Variants in L3MBTL4 observed in about 807,000 individuals in gnomAD.
The protein encoded by L3MBTL4 is L3MBTL histone methyl-lysine binding protein 4, also known as lethal(3)malignant brain tumor-like protein 4.
In L3MBTL4, 70 loss-of-function variants were observed where a neutral mutation model predicts 84.5. The ratio of observed to expected loss-of-function variants is 0.83; its 90% CI spans 0.68 to 1.01. L3MBTL4 has a LOEUF of 1.01. L3MBTL4 is among the 50% of genes least tolerant of loss of function. The pLI, the probability that L3MBTL4 is intolerant of heterozygous loss-of-function variation, is 0.00. For synonymous variants in L3MBTL4, 274 were observed against 259.8 expected, an observed-to-expected ratio of 1.05 and a Z score of -0.52; for missense variants, 715 against 754.8, an observed-to-expected ratio of 0.95 and a Z score of 0.62.
At chr18:5,956,471 T>C (rs3737355) in intron 18 of L3MBTL4, 84 bp from the exon 19 acceptor site, 55,272 of 1,324,978 alleles carry the variant, frequency 0.042, 2,177 homozygotes, top group East Asian at 0.15. Context: ...GTTCTGAGTG[T>C]GATGTGGAAC....
At chr18:6,086,214 G>C (rs2058253724) in intron 15 of L3MBTL4, among the ~76,000 whole-genome samples, 1 of 152,114 alleles carries the variant, frequency 6.6e-6, no homozygotes, top group Non-Finnish European at 1.5e-5. Flanking sequence ...ATGATAAAAT[G>C]CTTGCTGGTG....
At position 6,364,606 on chromosome 18, in the gene L3MBTL4, A is replaced by G. The variant is rs189522293; in HGVS notation, c.-91+50195T>C. On this transcript the variant is annotated intron_variant, in intron 1 of 18. Transcript: ENST00000317931. ...TACACATTTTTTCATCATTAAATAA[A>G]CTGCTAAACTTTAAAACTGATGAAA... is the stretch of plus-strand genomic sequence containing the variant. Among the ~76,000 whole-genome samples the G allele has an allele frequency of 9.1e-3, 1,378 of 152,264 alleles. 13 individuals carry two copies. Among genetic ancestry groups the G allele is most frequent in the African/African-American group, 0.029 (1,222 of 41,560 alleles).
chr18:6,382,298 G>C (rs1380875715), intron 1 of L3MBTL4, among the ~76,000 whole-genome samples: 1 of 152,138 alleles, frequency 6.6e-6, no homozygotes, highest in East Asian at 1.9e-4. Flanking sequence ...GCTCAGAGGA[G>C]TTTGTTATTA....
rs145650154 is a variant in L3MBTL4, at chr18:6,373,245, C to G, written c.-91+41556G>C. On this transcript the variant is annotated intron_variant, in intron 1 of 18. Transcript: ENST00000317931. ...CTCATCCGTGCTGGGAACTGGAGAG[C>G]TTGTCTCTTGCACAGTAAAGAAACA... Among the ~76,000 whole-genome samples, 68 of 152,292 alleles carry G rather than the reference C, an allele frequency of 4.5e-4. No individual in the cohort carries two copies. The Middle Eastern group carries it at 0.01, about 23-fold the overall frequency.
At chr18:6,032,039 G>T in intron 16 of L3MBTL4, 1 of 195,520 alleles carries the variant, frequency 5.1e-6, no homozygotes, top group Non-Finnish European at 9.3e-6. Flanking sequence ...GTGCAGTGGT[G>T]CAATCTCAGG....
chr18:6,277,057 T>A lies in L3MBTL4; in HGVS notation c.128-13019A>T, dbSNP rs1254321618. Among the ~76,000 whole-genome samples the A allele has an allele frequency of 2.0e-5, 3 of 150,408 alleles. No homozygotes were observed. In the East Asian group the frequency reaches 6.0e-4, roughly 30 times the overall value. Reference sequence around the variant, plus strand: ...CAAGTTTCCACTCTTGACTGAGTTCTTCCTTACCCTAGAGTGTTTATTATG... The same window carrying A: ...CAAGTTTCCACTCTTGACTGAGTTCATCCTTACCCTAGAGTGTTTATTATG... On this transcript the variant is annotated intron_variant, in intron 4 of 18. Coordinates refer to ENST00000317931, the MANE Select transcript of L3MBTL4 (RefSeq NM_001330559.2).
At chr18:6,003,296 G>C (rs2054314208) in intron 16 of L3MBTL4, among the ~76,000 whole-genome samples, 1 of 150,784 alleles carries the variant, frequency 6.6e-6, no homozygotes, top group Admixed American at 6.6e-5. Context: ...AAATAAAAAA[G>C]GTTACAAGAG....
intron 18 of L3MBTL4, among the ~76,000 whole-genome samples, chr18:5,958,103 GAAGAAGAAGAAGAAGAAGAAGAAGAAA>G (rs1227797830): frequency 0.025 from 2,214 of 89,998 alleles, 47 homozygotes; most frequent in African/African-American, 0.077. Context: ...AGAAGAAGAA[GAAGAAGAAGAAGAAGAAGAAGAAGAAA>G]AAGAAGAAGA....
At chr18:6,185,960 C>A (rs552717296) in intron 12 of L3MBTL4, among the ~76,000 whole-genome samples, 40 of 145,870 alleles carry the variant, frequency 2.7e-4, no homozygotes, top group African/African-American at 1.1e-3. Context: ...AGGGCACTTT[C>A]TTTATTTTAT....
chr18:6,155,338 C>A (rs1040907582), intron 13 of L3MBTL4, among the ~76,000 whole-genome samples: 1 of 152,172 alleles, frequency 6.6e-6, no homozygotes, highest in South Asian at 2.1e-4. Context: ...GAAGACTGCA[C>A]TGCCAGAAAT....
chr18:6,301,437 G>T (rs931795381), intron 4 of L3MBTL4, among the ~76,000 whole-genome samples: 1 of 152,060 alleles, frequency 6.6e-6, no homozygotes, highest in African/African-American at 2.4e-5. Flanking sequence ...AATATGAAAA[G>T]GCTATTATCT....
intron 12 of L3MBTL4, among the ~76,000 whole-genome samples, chr18:6,212,340 C>A (rs1386843613): frequency 2.6e-5 from 4 of 152,234 alleles, no homozygotes; most frequent in African/African-American, 2.4e-5. Context: ...AATAAGATTT[C>A]TTTTAAATTA....
intron 1 of L3MBTL4, among the ~76,000 whole-genome samples, chr18:6,381,820 T>C (rs185561771): frequency 2.2e-4 from 34 of 152,314 alleles, no homozygotes; most frequent in Admixed American, 1.4e-3. Context: ...TTGGAGTTGC[T>C]GTTATTGAGG....
intron 16 of L3MBTL4, among the ~76,000 whole-genome samples, chr18:6,002,701 G>T (rs1056738354): frequency 6.6e-6 from 1 of 151,634 alleles, no homozygotes; most frequent in African/African-American, 2.4e-5. Context: ...TATACAAAAA[G>T]AACTGAAAAA....
chr18:6,127,630 C>T (rs1042591308), intron 14 of L3MBTL4, among the ~76,000 whole-genome samples: 1 of 152,138 alleles, frequency 6.6e-6, no homozygotes, highest in African/African-American at 2.4e-5. Flanking sequence ...AGACAAAGCA[C>T]GATGCTGGCA....
intron 16 of L3MBTL4, among the ~76,000 whole-genome samples, chr18:6,045,940 TG>T (rs2056601487): frequency 6.6e-6 from 1 of 152,102 alleles, no homozygotes. Context: ...GGCACAGAGT[TG>T]CAAATTGGAC....
intron 5 of L3MBTL4, among the ~76,000 whole-genome samples, chr18:6,256,563 C>T (rs1399344142): frequency 6.6e-6 from 1 of 150,898 alleles, no homozygotes; most frequent in Non-Finnish European, 1.5e-5. Flanking sequence ...ATAATAATAG[C>T]TATGAAGAGG....
chr18:6,309,070 G>A lies in L3MBTL4; in HGVS notation c.72+2484C>T, dbSNP rs369437381. Among the ~76,000 whole-genome samples, 38 of 152,232 alleles carry A rather than the reference G, an allele frequency of 2.5e-4. 1 individual carries two copies. The East Asian group carries it at 5.0e-3, about 20-fold the overall frequency. The stretch of plus-strand genomic sequence containing the variant: ...TTACTCTCTCAGAAGAAAATGTTCC[G>A]AAACACCCAACTGTGCATTTGCTTG... On this transcript the variant is annotated intron_variant, in intron 3 of 18. Transcript: ENST00000317931.
At chr18:6,105,194 T>G (rs2058962914) in intron 14 of L3MBTL4, among the ~76,000 whole-genome samples, 1 of 144,030 alleles carries the variant, frequency 6.9e-6, no homozygotes. Flanking sequence ...TTTTTTTTTT[T>G]TTTTTTTTTT....
Sources: allele counts gnomAD v4.1 joint callset (sites outside exome capture counted in the v4.1 genomes callset), GRCh38; gene constraint gnomAD v4.1.1; transcripts MANE v1.5; gene names NCBI Gene and HGNC (gene_info 2026-07-23, HGNC 2026-07-21).